Variants in EXOC4 observed in about 807,000 individuals in gnomAD.
The protein encoded by EXOC4 is SEC8-like 1.
A neutral mutation model predicts 107.2 loss-of-function variants in EXOC4; 71 were observed. The observed-to-expected ratio is 0.66, with a 90% CI of 0.55 to 0.81. The LOEUF (loss-of-function observed/expected upper bound fraction) is 0.81, where lower values mean the gene tolerates loss of function less well. Ranked by LOEUF, EXOC4 falls within the 30% of genes least tolerant of loss-of-function variation. EXOC4 has a pLI of 0.00. For synonymous variants in EXOC4, 456 were observed against 441.2 expected, an observed-to-expected ratio of 1.03 and a Z score of -0.42; for missense variants, 1,108 against 1,189.6, an observed-to-expected ratio of 0.93 and a Z score of 1.01.
chr7:133,489,436 A>T (rs1563084830), intron 9 of EXOC4, among the ~76,000 whole-genome samples: 1 of 152,178 alleles, frequency 6.6e-6, no homozygotes, highest in East Asian at 1.9e-4. Context: ...ACAAATGTGG[A>T]GTTTTCTGGA....
At chr7:133,480,247 C>T (rs750966530) in intron 9 of EXOC4, 109 bp downstream of exon 9, 58 of 1,522,778 alleles carry the variant, frequency 3.8e-5, no homozygotes, top group Non-Finnish European at 4.9e-5. Flanking sequence ...GTAACAAACA[C>T]TTAGTGACTT....
At chr7:133,929,085 G>T (rs1218327728) in intron 13 of EXOC4, among the ~76,000 whole-genome samples, 1 of 151,696 alleles carries the variant, frequency 6.6e-6, no homozygotes, top group Non-Finnish European at 1.5e-5. Context: ...GGCACGCACC[G>T]CCACACCCGG....
At position 133,363,341 on chromosome 7, in the gene EXOC4, A is replaced by G. The variant is rs187149913; in HGVS notation, c.1007+6768A>G. 5.9e-5 allele frequency among the ~76,000 whole-genome samples: 9 copies of G among 152,324 alleles called. No individual in the cohort carries two copies. The East Asian group carries it at 1.7e-3, about 29-fold the overall frequency. ...ACTCCAATTGTTAACTAAAATATAT[A>G]ACTCATTACCATGAAAGGTCCCAAG... On this transcript the variant is annotated intron_variant, in intron 6 of 17. Coordinates refer to ENST00000253861, the MANE Select transcript of EXOC4 (RefSeq NM_021807.4).
chr7:133,693,402 T>G (rs1794463119), intron 10 of EXOC4, among the ~76,000 whole-genome samples: 1 of 152,158 alleles, frequency 6.6e-6, no homozygotes, highest in Non-Finnish European at 1.5e-5. Context: ...TGGCAGCTGA[T>G]TAGATGGTGC....
the EXOC4 span, among the ~76,000 whole-genome samples, chr7:134,094,444 T>C: frequency 2.0e-5 from 3 of 151,874 alleles, no homozygotes; most frequent in African/African-American, 4.8e-5. Flanking sequence ...CCAAAAAATA[T>C]CCCAGACCGG....
intron 10 of EXOC4, among the ~76,000 whole-genome samples, chr7:133,640,791 A>G (rs2151024412): frequency 6.6e-6 from 1 of 152,332 alleles, no homozygotes; most frequent in East Asian, 1.9e-4. Flanking sequence ...ATTAAAGAAA[A>G]GGGATTTTTC....
intron 14 of EXOC4, among the ~76,000 whole-genome samples, chr7:133,952,907 T>C (rs1382764379): frequency 6.6e-6 from 1 of 152,226 alleles, no homozygotes; most frequent in Non-Finnish European, 1.5e-5. Flanking sequence ...CAGTGGATGC[T>C]TAGGGTGCTT....
chr7:134,015,517 T>C (rs1415562351), intron 17 of EXOC4, among the ~76,000 whole-genome samples: 1 of 152,116 alleles, frequency 6.6e-6, no homozygotes, highest in East Asian at 1.9e-4. Flanking sequence ...AGCAGCAGTA[T>C]AGGACTTGGA....
the EXOC4 span, among the ~76,000 whole-genome samples, chr7:134,092,260 T>A: frequency 5.4e-3 from 828 of 152,190 alleles, 20 homozygotes; most frequent in Non-Finnish European, 4.4e-3. Flanking sequence ...AGGGTAAATA[T>A]TATGTATGAG....
chr7:133,412,695 A>G (rs1424922241), intron 7 of EXOC4, among the ~76,000 whole-genome samples: 3 of 152,098 alleles, frequency 2.0e-5, no homozygotes, highest in African/African-American at 7.2e-5. Context: ...GGACCGGGTC[A>G]TAAGCCTAAT....
chr7:133,313,117 G>T (rs1185576955), intron 4 of EXOC4, among the ~76,000 whole-genome samples: 1 of 140,824 alleles, frequency 7.1e-6, no homozygotes, highest in African/African-American at 2.7e-5. Context: ...ACATATGTTG[G>T]TTTTCTTTTT....
intron 10 of EXOC4, among the ~76,000 whole-genome samples, chr7:133,702,716 GGT>G (rs1794693013): frequency 6.6e-6 from 1 of 152,082 alleles, no homozygotes; most frequent in African/African-American, 2.4e-5. Flanking sequence ...CATTGTGCTA[GGT>G]GGCTTTTAAA....
intron 11 of EXOC4, among the ~76,000 whole-genome samples, chr7:133,854,584 C>T (rs905057131): frequency 2.5e-4 from 38 of 151,984 alleles, no homozygotes; most frequent in African/African-American, 8.9e-4. Flanking sequence ...ATCGGAGCCT[C>T]GGGAATTCAA....
intron 9 of EXOC4, among the ~76,000 whole-genome samples, chr7:133,628,484 T>C (rs1802510025): frequency 6.6e-6 from 1 of 152,198 alleles, no homozygotes; most frequent in Non-Finnish European, 1.5e-5. Flanking sequence ...TCAATTTTTA[T>C]CAGTCAGGCG....
chr7:133,855,371 C>G (rs1296285426), intron 11 of EXOC4, among the ~76,000 whole-genome samples: 1 of 151,446 alleles, frequency 6.6e-6, no homozygotes, highest in Admixed American at 6.6e-5. Flanking sequence ...GGTACCCTGT[C>G]AGATTTCTTC....
intron 7 of EXOC4, among the ~76,000 whole-genome samples, chr7:133,415,412 A>G (rs931267825): frequency 7.9e-5 from 12 of 152,088 alleles, no homozygotes; most frequent in Admixed American, 6.5e-4. Context: ...GTTTCTCCAT[A>G]TCCTTGTTGA....
intron 13 of EXOC4, among the ~76,000 whole-genome samples, chr7:133,926,635 T>C (rs1252186530): frequency 6.6e-6 from 1 of 152,210 alleles, no homozygotes; most frequent in Non-Finnish European, 1.5e-5. Context: ...GTTTGACTAA[T>C]CAATGCAAAG....
chr7:133,749,961 T>G (rs1232475119), intron 10 of EXOC4, among the ~76,000 whole-genome samples: 3 of 143,742 alleles, frequency 2.1e-5, no homozygotes, highest in East Asian at 2.0e-4. Context: ...GGCAGTTTTT[T>G]TTTTTTTTTT....
At chr7:133,805,687 G>A (rs1004521803) in intron 10 of EXOC4, among the ~76,000 whole-genome samples, 1 of 152,194 alleles carries the variant, frequency 6.6e-6, no homozygotes, top group African/African-American at 2.4e-5. Context: ...TAGGGGGACA[G>A]TGTTCTAAAT....
Sources: allele counts gnomAD v4.1 joint callset (sites outside exome capture counted in the v4.1 genomes callset), GRCh38; gene constraint gnomAD v4.1.1; transcripts MANE v1.5; gene names NCBI Gene and HGNC (gene_info 2026-07-23, HGNC 2026-07-21).